The following PARD3B variants were observed in gnomAD, a reference collection of about 807,000 sequenced individuals.
PARD3B encodes par-3 family cell polarity regulator beta.
PARD3B carries 103 observed loss-of-function variants against 130.2 expected under a neutral mutation model. That is an observed-to-expected ratio of 0.79 (90% CI 0.67 to 0.93). The LOEUF is 0.93. Among genes scored for constraint, PARD3B ranks in the 40% least tolerant of loss-of-function variants. The probability of loss-of-function intolerance (pLI) is 0.00; values close to 1 mark genes in which losing one functional copy is unlikely to be tolerated. For missense variants in PARD3B, 1,609 were observed against 1,499.2 expected (o/e 1.07, Z -1.21); for synonymous variants, 583 against 553.2 (o/e 1.05, Z -0.76).
At chr2:204,790,378 G>A (rs2042159423) in intron 2 of PARD3B, among the ~76,000 whole-genome samples, 1 of 152,174 alleles carries the variant, frequency 6.6e-6, no homozygotes, top group Admixed American at 6.5e-5. Context: ...TTCAATTGAA[G>A]TTAGTTAACT....
intron 1 of PARD3B, among the ~76,000 whole-genome samples, chr2:204,552,847 C>G (rs537867967): frequency 6.6e-6 from 1 of 152,244 alleles, no homozygotes; most frequent in South Asian, 2.1e-4. Context: ...TATTTCTGTT[C>G]CAATGGTCTA....
intron 22 of PARD3B, among the ~76,000 whole-genome samples, chr2:205,583,560 G>T (rs747419772): frequency 6.6e-6 from 1 of 152,156 alleles, no homozygotes; most frequent in Non-Finnish European, 1.5e-5. Context: ...TTCTAAGCAT[G>T]TTATGTGTAT....
chr2:205,450,103 G>A (rs962530827), intron 20 of PARD3B, among the ~76,000 whole-genome samples: 1 of 151,930 alleles, frequency 6.6e-6, no homozygotes, highest in African/African-American at 2.4e-5. Context: ...GTTTATTCGT[G>A]GATTAAATGA....
intron 4 of PARD3B, among the ~76,000 whole-genome samples, chr2:205,055,302 G>T (rs1251431933): frequency 1.3e-5 from 2 of 152,148 alleles, no homozygotes; most frequent in South Asian, 4.1e-4. Flanking sequence ...TTTCCTCCTA[G>T]TCCATCTCCC....
At chr2:205,261,751 T>TA (rs2040321699) in intron 16 of PARD3B, among the ~76,000 whole-genome samples, 1 of 152,174 alleles carries the variant, frequency 6.6e-6, no homozygotes, top group African/African-American at 2.4e-5. Flanking sequence ...AAAATAGGGT[T>TA]CACAAAGGAG....
At chr2:204,879,552 G>C (rs2125665607) in intron 2 of PARD3B, among the ~76,000 whole-genome samples, 1 of 152,188 alleles carries the variant, frequency 6.6e-6, no homozygotes, top group African/African-American at 2.4e-5. Context: ...AGATTATATG[G>C]CAATGCTACA....
rs2051300925 is a variant in PARD3B at position 205,525,576 on chromosome 2, T to G, written c.3180+25545T>G. Among the ~76,000 whole-genome samples, 1 of 152,246 alleles carries G rather than the reference T, an allele frequency of 6.6e-6. No homozygotes were observed. The highest frequency in any genetic ancestry group is 2.4e-5 in the African/African-American group (1 of 41,464). On this transcript the variant is annotated intron_variant, in intron 21 of 22. Coordinates refer to ENST00000406610, the MANE Select transcript of PARD3B (RefSeq NM_001302769.2). The surrounding 1 kb of genome is among the most constrained non-coding windows in gnomAD (Gnocchi z 4.2). ...AACATAGGGGTATTGGTTGCATGAC[T>G]TTATTAGCTCCTAGACTGAGGTCTA...
At chr2:205,138,351 C>T (rs2032666998) in intron 10 of PARD3B, among the ~76,000 whole-genome samples, 1 of 152,038 alleles carries the variant, frequency 6.6e-6, no homozygotes, top group South Asian at 2.1e-4. Flanking sequence ...CATATACGTG[C>T]ATTTCTCTCT....
chr2:205,112,988 A>G (rs906823030), intron 5 of PARD3B, among the ~76,000 whole-genome samples: 1 of 152,204 alleles, frequency 6.6e-6, no homozygotes, highest in African/African-American at 2.4e-5. Flanking sequence ...ATGTATTACC[A>G]ACTGTGGCTT....
At chr2:205,599,596 G>T (rs2054703537) in intron 22 of PARD3B, among the ~76,000 whole-genome samples, 1 of 152,210 alleles carries the variant, frequency 6.6e-6, no homozygotes, top group African/African-American at 2.4e-5. Flanking sequence ...AAAGATTTAG[G>T]AATGTTGGTT....
chr2:204,679,772 A>G (rs1329293132), intron 1 of PARD3B, among the ~76,000 whole-genome samples: 7 of 151,838 alleles, frequency 4.6e-5, no homozygotes, highest in Non-Finnish European at 8.8e-5. Context: ...CCTATTCTCA[A>G]ATGCTTTTTC....
chr2:205,429,578 A>G (rs2047259494), intron 19 of PARD3B, among the ~76,000 whole-genome samples: 1 of 152,210 alleles, frequency 6.6e-6, no homozygotes, highest in Non-Finnish European at 1.5e-5. Context: ...ACTAAAGACA[A>G]TCAGATATTT....
chr2:205,590,937 T>C lies in PARD3B; in HGVS notation c.3261-24519T>C, dbSNP rs1311350351. On this transcript the variant is annotated intron_variant, in intron 22 of 22. Coordinates refer to ENST00000406610, the MANE Select transcript of PARD3B (RefSeq NM_001302769.2). This position sits in a 1 kb window ranked among gnomAD's most constrained non-coding sequence, Gnocchi z 4.1. ...GTGATTCATCCATCAGATAATCCCA[T>C]ATAAAGGAAAAAGACAAGAGAGACA... Among the ~76,000 whole-genome samples, 1 of 152,052 alleles carries C rather than the reference T, an allele frequency of 6.6e-6. No homozygotes were observed. Among genetic ancestry groups the C allele is most frequent in the Admixed American group, 6.5e-5 (1 of 15,270 alleles).
At chr2:205,614,895 C>T (rs571757420) in intron 22 of PARD3B, among the ~76,000 whole-genome samples, 9 of 152,170 alleles carry the variant, frequency 5.9e-5, no homozygotes, top group African/African-American at 1.9e-4. Flanking sequence ...AAAGCGAGTG[C>T]AGTCCATGGA....
At chr2:205,557,042 C>T (rs1038778391) in intron 22 of PARD3B, among the ~76,000 whole-genome samples, 1 of 152,130 alleles carries the variant, frequency 6.6e-6, no homozygotes, top group South Asian at 2.1e-4. Flanking sequence ...CATGGGATCC[C>T]ATTATCCCCC....
At chr2:204,997,645 C>T (rs1231742421) in intron 3 of PARD3B, among the ~76,000 whole-genome samples, 1 of 152,022 alleles carries the variant, frequency 6.6e-6, no homozygotes, top group East Asian at 1.9e-4. Context: ...GGGTTTTACA[C>T]AATTATGTCA....
Position 205,136,071 on chromosome 2 carries a change from G to A in PARD3B, c.1434+10334G>A, listed in dbSNP as rs537509326. Among the ~76,000 whole-genome samples, 34 of 152,284 alleles carry A rather than the reference G, an allele frequency of 2.2e-4. 1 individual carries two copies. The highest frequency in any genetic ancestry group is 7.9e-4 in the African/African-American group (33 of 41,558). ...AGTTCAATGATGTTTCCTTGCCACT[G>A]ATTGAGTTATATGAAGGACTTCTAT... On this transcript the variant is annotated intron_variant, in intron 10 of 22. Coordinates refer to ENST00000406610, the MANE Select transcript of PARD3B (RefSeq NM_001302769.2).
chr2:204,734,867 A>G (rs1223526962), intron 2 of PARD3B, among the ~76,000 whole-genome samples: 1 of 152,048 alleles, frequency 6.6e-6, no homozygotes, highest in African/African-American at 2.4e-5. Context: ...TTTACCACTG[A>G]AATGGGTGCA....
chr2:204,982,319 T>G (rs1164378618), intron 3 of PARD3B, among the ~76,000 whole-genome samples: 2 of 152,194 alleles, frequency 1.3e-5, no homozygotes, highest in Non-Finnish European at 2.9e-5. Context: ...GTAAGATTGC[T>G]GTCAGCTGCT....
Sources: allele counts gnomAD v4.1 joint callset (sites outside exome capture counted in the v4.1 genomes callset), GRCh38; gene constraint gnomAD v4.1.1; non-coding constraint Gnocchi (gnomAD v3.1); transcripts MANE v1.5; gene names NCBI Gene and HGNC (gene_info 2026-07-23, HGNC 2026-07-21).